The following GLT8D1 variants were observed in gnomAD, a reference collection of about 807,000 sequenced individuals.
GLT8D1 encodes the protein glycosyltransferase 8 domain containing 1.
Under a neutral mutation model 46.2 loss-of-function variants are expected in GLT8D1, and 41 were observed. The ratio of observed to expected loss-of-function variants is 0.89; its 90% CI spans 0.69 to 1.15. The LOEUF is 1.15. Among genes scored for constraint, GLT8D1 ranks in the 50% most tolerant of loss-of-function variants. GLT8D1 has a pLI of 0.00. For synonymous variants in GLT8D1, 150 were observed against 154.2 expected (o/e 0.97, Z 0.20); for missense variants, 408 against 449.3 (o/e 0.91, Z 0.83).
chr3:52,700,537 G>T, intron 1 of GLT8D1, 41 bp from the exon 2 acceptor site: 1 of 907,088 alleles, frequency 1.1e-6, no homozygotes, highest in South Asian at 1.5e-5. Context: ...GTAAGCACAT[G>T]AGAAGGGACA....
intron 4 of GLT8D1, 175 bp downstream of exon 4, chr3:52,697,546 T>C (rs540917219): frequency 1.3e-4 from 79 of 603,910 alleles, no homozygotes; most frequent in African/African-American, 1.3e-3. Context: ...TCTCCTATTA[T>C]GGGGATATGC....
At chr3:52,698,574 G>T (rs1014766822) in intron 3 of GLT8D1, among the ~76,000 whole-genome samples, 2 of 151,966 alleles carry the variant, frequency 1.3e-5, no homozygotes. Context: ...CCAGCTACTT[G>T]GGAGACTGAG....
chr3:52,696,750 GGTGTTTTCAA>G lies in GLT8D1; in HGVS notation c.330-101_330-92del, dbSNP rs1339378864. On this transcript the variant is annotated intron_variant, in intron 4 of 9. Transcript: ENST00000266014. Reference sequence around the variant, plus strand: ...CAAAAGAAACCCTATGGACCAAATAGGTGTTTTCAAGCTCCTTTTATCTCTGAGCTTTGGT... The same window carrying G: ...CAAAAGAAACCCTATGGACCAAATAGGCTCCTTTTATCTCTGAGCTTTGGT... 4.1e-5 allele frequency: 30 copies of G among 728,672 alleles called. 1 individual carries two copies. The Admixed American group carries it at 6.7e-4, about 16-fold the overall frequency. 45.1% of individuals were successfully genotyped at this position (728,672 alleles called of 1,614,324 possible). A position where few individuals can be genotyped will look rare whatever the true frequency, so the allele number is the denominator to read the frequency against.
chr3:52,696,577 T>C lies in GLT8D1; in HGVS notation c.412A>G (p.Lys138Glu), dbSNP rs931531936. 6.2e-7 allele frequency: 1 copy of C among 1,603,818 alleles called. No homozygotes were observed. The highest frequency in any genetic ancestry group is 1.3e-5 in the African/African-American group (1 of 74,712). The change falls in exon 5 of 10, where the codon AAG becomes GAG. Residue 138 changes from lysine to glutamate, a missense_variant. Lys to Glu is a moderately conservative substitution (Grantham distance 56). Transcript: ENST00000266014. The part of the protein sequence containing the change: ...FDPKLLEGKV[K>E]EDPDQGESMK... ...GATTCCCCCTGGTCAGGATCCTCCT[T>C]TACTTTTCCTTCCAAAAGTTTAGGG...
At chr3:52,695,356 G>C (rs1395559848) in intron 8 of GLT8D1, 54 bp from the exon 9 acceptor site, 2 of 1,578,980 alleles carry the variant, frequency 1.3e-6, no homozygotes, top group African/African-American at 1.4e-5. Context: ...ACTAACTCCT[G>C]TTAGTCAAGA....
chr3:52,695,894 T>C (rs765848089), intron 7 of GLT8D1, 34 bp downstream of exon 7: 2 of 1,212,542 alleles, frequency 1.6e-6, no homozygotes, highest in East Asian at 2.3e-5. Context: ...TTAAACAATA[T>C]TGTAGGAAGA....
Position 52,696,676 on chromosome 3 carries a change from A to G in GLT8D1, c.330-17T>C. ...AGCCAGGACCTGATGAAGATAAAAC[A>G]CTACATTTTAGTTTCAAATAATGTC... On this transcript the variant is annotated splice_polypyrimidine_tract_variant and intron_variant, in intron 4 of 9. Transcript: ENST00000266014. 1 of 1,344,020 alleles carries G rather than the reference A, an allele frequency of 7.4e-7. No homozygotes were observed. The highest frequency in any genetic ancestry group is 1.1e-6 in the Non-Finnish European group (1 of 934,854). The allele number at this position is 1,344,020 out of a possible 1,614,324, so 83.3% of individuals were successfully genotyped here.
intron 1 of GLT8D1, chr3:52,705,119 C>A (rs1025524918): frequency 6.6e-6 from 1 of 152,326 alleles, no homozygotes; most frequent in Non-Finnish European, 1.5e-5. Flanking sequence ...TTCCTCAGAA[C>A]GGTTTCTCTC....
At chr3:52,698,001 GA>G in intron 3 of GLT8D1, 67 bp from the exon 4 acceptor site, 1 of 961,784 alleles carries the variant, frequency 1.0e-6, no homozygotes, top group Non-Finnish European at 1.7e-6. Flanking sequence ...CCAAGACATG[GA>G]AAAAGGGAAG....
chr3:52,694,943 C>T lies in GLT8D1; in HGVS notation c.1018G>A (p.Ala340Thr). Residue 340 changes from alanine (A) to threonine (T), a missense_variant, in exon 10 of 10, where the codon GCT becomes ACT. Transcript: ENST00000266014. ...TTTTCCCAAACATCAGTATATGAAG[C>T]AGTCCTTCCCCATGGCTTCAAATGT... ...NGHLKPWGRTASYTDVWEKWY... is the reference protein window; with the variant it reads ...NGHLKPWGRTTSYTDVWEKWY... 1 of 1,609,310 alleles carries T rather than the reference C, an allele frequency of 6.2e-7. No individual in the cohort carries two copies. Among genetic ancestry groups the T allele is most frequent in the Admixed American group, 1.7e-5 (1 of 60,024 alleles).
intron 1 of GLT8D1, among the ~76,000 whole-genome samples, chr3:52,701,990 T>C (rs2097339775): frequency 6.6e-6 from 1 of 152,240 alleles, no homozygotes; most frequent in Non-Finnish European, 1.5e-5. Flanking sequence ...AGGCTATTAA[T>C]TTTACAAAGC....
intron 1 of GLT8D1, among the ~76,000 whole-genome samples, chr3:52,702,929 G>T (rs1281126834): frequency 6.6e-6 from 1 of 151,250 alleles, no homozygotes; most frequent in Non-Finnish European, 1.5e-5. Context: ...AGGGACTACA[G>T]GTGTGCGCCA....
chr3:52,700,205 C>A, intron 3 of GLT8D1, 57 bp downstream of exon 3: 1 of 1,052,058 alleles, frequency 9.5e-7, no homozygotes. Context: ...ATGTGTGACA[C>A]AGAGAATACC....
In GLT8D1 at chr3:52,694,673, C is replaced by A. The variant is rs191533148; in HGVS notation, c.*172G>T. ...TGGAGACATATTTATAGTCTATAGTCTGTCTGGGAAGCTGACTGCCAGACA... is the reference window on the plus strand; with the variant it reads ...TGGAGACATATTTATAGTCTATAGTATGTCTGGGAAGCTGACTGCCAGACA... On this transcript the variant is annotated 3_prime_UTR_variant, in exon 10 of 10. Coordinates refer to ENST00000266014, the MANE Select transcript of GLT8D1 (RefSeq NM_018446.4). The A allele has an allele frequency of 4.5e-6, 3 of 659,382 alleles. No individual in the cohort carries two copies. The highest frequency in any genetic ancestry group is 4.3e-5 in the Admixed American group (2 of 46,230). The allele number at this position is 659,382 out of a possible 1,614,324, so 40.8% of individuals were successfully genotyped here.
At chr3:52,695,692 A>G (rs556699577) in intron 7 of GLT8D1, 105 bp from the exon 8 acceptor site, 1 of 719,548 alleles carries the variant, frequency 1.4e-6, no homozygotes, top group African/African-American at 1.8e-5. Flanking sequence ...TTCAGATTAG[A>G]AAATAAATAT....
At chr3:52,696,378 A>G (rs961114887) in intron 5 of GLT8D1, 60 bp from the exon 6 acceptor site, 3 of 1,209,044 alleles carry the variant, frequency 2.5e-6, no homozygotes, top group African/African-American at 3.0e-5. Context: ...TTATTTACAC[A>G]GAAACTCCTA....
At chr3:52,705,345 C>G (rs1410285131) in intron 1 of GLT8D1, 102 bp downstream of exon 1, 1 of 152,436 alleles carries the variant, frequency 6.6e-6, no homozygotes, top group Non-Finnish European at 1.5e-5. Flanking sequence ...ATGAGAGGGA[C>G]AGCCGAGCAC....
chr3:52,701,359 AAAG>A (rs2097339220), intron 1 of GLT8D1: 1 of 151,896 alleles, frequency 6.6e-6, no homozygotes, highest in Non-Finnish European at 1.5e-5. Flanking sequence ...AAAAAAAAAA[AAAG>A]GTTTATTTTA....
chr3:52,699,442 G>A (rs2097337360), intron 3 of GLT8D1, among the ~76,000 whole-genome samples: 2 of 152,032 alleles, frequency 1.3e-5, no homozygotes, highest in East Asian at 1.9e-4. Flanking sequence ...ATACCACCAC[G>A]CCCAGCTAAT....
Sources: gnomAD v4.1 joint callset for allele counts (sites outside exome capture counted in the v4.1 genomes callset) on GRCh38, gnomAD v4.1.1 for gene constraint, MANE v1.5 for transcripts, NCBI Gene and HGNC (gene_info 2026-07-23, HGNC 2026-07-21) for gene names.